Variants in GSTA2 observed in about 807,000 individuals in gnomAD.
GSTA2 encodes the protein glutathione S-transferase A2.
GSTA2 carries 27 observed loss-of-function variants against 22.4 expected under a neutral mutation model. That is an observed-to-expected ratio of 1.21 (90% CI 0.89 to 1.67). The LOEUF is 1.67. GSTA2 is among the 40% of genes most tolerant of loss of function. The probability of loss-of-function intolerance (pLI) is 0.00; values close to 1 mark genes in which losing one functional copy is unlikely to be tolerated. For synonymous variants in GSTA2, 121 were observed against 86.8 expected (o/e 1.39, Z -2.19); for missense variants, 302 against 260.2 (o/e 1.16, Z -1.11).
At chr6:52,754,731 G>T (rs903443866) in intron 4 of GSTA2, among the ~76,000 whole-genome samples, 26 of 152,094 alleles carry the variant, frequency 1.7e-4, no homozygotes, top group Non-Finnish European at 1.5e-5. Context: ...TCCATGGACT[G>T]CATCCTCTTC....
At position 52,757,359 on chromosome 6, in the gene GSTA2, C is replaced by A. The variant is rs560647703; in HGVS notation, c.87+502G>T. Among the ~76,000 whole-genome samples, 11 of 135,598 alleles carry A rather than the reference C, an allele frequency of 8.1e-5. No homozygotes were observed. In the East Asian group the frequency reaches 2.1e-3, roughly 26 times the overall value. 89.0% of individuals were successfully genotyped at this position (135,598 alleles called of 152,430 possible). A position where few individuals can be genotyped will look rare whatever the true frequency, so the allele number is the denominator to read the frequency against. On this transcript the variant is annotated intron_variant, in intron 2 of 6. Transcript: ENST00000493422. Reference sequence around the variant, plus strand: ...AGAATCAATAATTATCAATCAAAACCAATATGGTTTCATCTATATGCCCAC... The same window carrying A: ...AGAATCAATAATTATCAATCAAAACAAATATGGTTTCATCTATATGCCCAC...
At chr6:52,754,271 C>T (rs1459198664) in intron 4 of GSTA2, among the ~76,000 whole-genome samples, 1 of 152,036 alleles carries the variant, frequency 6.6e-6, no homozygotes, top group Non-Finnish European at 1.5e-5. Flanking sequence ...ATCGGTAATA[C>T]CATATTAAAG....
chr6:52,752,411 C>A (rs187492449), intron 5 of GSTA2, among the ~76,000 whole-genome samples: 1 of 152,106 alleles, frequency 6.6e-6, no homozygotes, highest in African/African-American at 2.4e-5. Flanking sequence ...AATACTGATC[C>A]CTGAAACACT....
In GSTA2 at chr6:52,752,991, C is replaced by T. The variant is rs757502057; in HGVS notation, c.277G>A (p.Asp93Asn). Residue 93 changes from aspartate (D) to asparagine (N), a missense_variant, in exon 5 of 7, where the codon GAT becomes AAT. Transcript: ENST00000493422. Reference sequence around the variant, plus strand: ...TCTGCTATACCTTCTATATACATATCAATCCTGAAAGACAAAAACAACCAA... The same window carrying T: ...TCTGCTATACCTTCTATATACATATTAATCCTGAAAGACAAAAACAACCAA... The part of the protein sequence containing the change: ...GKDIKEKALI[D>N]MYIEGIADLG... 6 of 1,594,780 alleles carry T rather than the reference C, an allele frequency of 3.8e-6. No homozygotes were observed. The highest frequency in any genetic ancestry group is 5.1e-6 in the Non-Finnish European group (6 of 1,171,906).
intron 1 of GSTA2, among the ~76,000 whole-genome samples, chr6:52,762,373 A>G (rs2127292048): frequency 6.6e-6 from 1 of 152,324 alleles, no homozygotes; most frequent in South Asian, 2.1e-4. Context: ...ACCCAATTGT[A>G]TGTTCCATCT....
rs1762715796 is a variant in GSTA2, at chr6:52,750,530, C to T, written c.*47G>A. The T allele has an allele frequency of 1.9e-6, 3 of 1,601,072 alleles. No individual in the cohort carries two copies. Among genetic ancestry groups the T allele is most frequent in the East Asian group, 2.2e-5 (1 of 44,764 alleles). ...GGTAAAGCACTTAATTGTTGCAAAA[C>T]TTTAGAATACTGGTCTTGCATGTTC... On this transcript the variant is annotated 3_prime_UTR_variant, in exon 7 of 7. Coordinates refer to ENST00000493422, the MANE Select transcript of GSTA2 (RefSeq NM_000846.5).
At chr6:52,756,448 A>G in intron 2 of GSTA2, 139 bp from the exon 3 acceptor site, 1 of 651,140 alleles carries the variant, frequency 1.5e-6, no homozygotes, top group Non-Finnish European at 2.7e-6. Context: ...GGGGCTAGTC[A>G]TGGCCATTTG....
At chr6:52,754,267 A>G (rs1391714044) in intron 4 of GSTA2, among the ~76,000 whole-genome samples, 1 of 152,206 alleles carries the variant, frequency 6.6e-6, no homozygotes, top group Non-Finnish European at 1.5e-5. Flanking sequence ...GGTCATCGGT[A>G]ATACCATATT....
intron 3 of GSTA2, among the ~76,000 whole-genome samples, 183 bp downstream of exon 3, chr6:52,756,075 A>T (rs2749003): frequency 4.6e-5 from 7 of 152,144 alleles, no homozygotes; most frequent in South Asian, 4.2e-4. Context: ...CTGGTCCTTT[A>T]AGCCTGGAGA....
intron 4 of GSTA2, 140 bp from the exon 5 acceptor site, chr6:52,753,135 T>C: frequency 1.4e-6 from 1 of 728,180 alleles, no homozygotes; most frequent in Admixed American, 2.9e-5. Flanking sequence ...CTAGTCATTA[T>C]GCTCTGAGTT....
chr6:52,762,949 C>T (rs1561898894), intron 1 of GSTA2, among the ~76,000 whole-genome samples: 2 of 152,192 alleles, frequency 1.3e-5, no homozygotes, highest in Admixed American at 6.6e-5. Context: ...GACTTGTCGT[C>T]GAGCTAATTA....
intron 5 of GSTA2, 127 bp from the exon 6 acceptor site, chr6:52,751,835 C>G: frequency 7.5e-7 from 1 of 1,339,082 alleles, no homozygotes; most frequent in Non-Finnish European, 1.1e-6. Context: ...GCAGAAATCC[C>G]GAGCTTTCTC....
In GSTA2 at chr6:52,751,690, G is replaced by C. The variant is rs768854211; in HGVS notation, c.433C>G (p.Gln145Glu). ...AFEKVLKSHGQDYLVGNKLSR... is the reference protein window; with the variant it reads ...AFEKVLKSHGEDYLVGNKLSR... ...AGCTTGTTGCCAACAAGGTAGTCTTGTCCGTGGCTCTTTAAGACCTGGAGA... is the reference window on the plus strand; with the variant it reads ...AGCTTGTTGCCAACAAGGTAGTCTTCTCCGTGGCTCTTTAAGACCTGGAGA... Residue 145 changes from glutamine to glutamate, a missense_variant, in exon 6 of 7, where the codon CAA becomes GAA. By Grantham distance (29) the Gln-to-Glu change is conservative (BLOSUM62 2). Coordinates refer to ENST00000493422, the MANE Select transcript of GSTA2 (RefSeq NM_000846.5). 6.2e-6 allele frequency: 10 copies of C among 1,614,042 alleles called. No homozygotes were observed. In the East Asian group the frequency reaches 1.8e-4, roughly 29 times the overall value.
intron 1 of GSTA2, among the ~76,000 whole-genome samples, chr6:52,760,547 T>C (rs751320542): frequency 1.3e-5 from 2 of 152,166 alleles, no homozygotes; most frequent in Non-Finnish European, 2.9e-5. Context: ...ATGGGTACAC[T>C]GAATTTCAGA....
intron 1 of GSTA2, among the ~76,000 whole-genome samples, chr6:52,760,210 C>A (rs1267879743): frequency 3.3e-5 from 5 of 152,160 alleles, no homozygotes; most frequent in African/African-American, 1.2e-4. Flanking sequence ...GTCATAATTC[C>A]AATCCCCAAA....
intron 5 of GSTA2, 77 bp downstream of exon 5, chr6:52,752,777 C>T (rs112698359): frequency 6.4e-7 from 1 of 1,565,524 alleles, no homozygotes; most frequent in South Asian, 1.1e-5. Context: ...AAGATCAGTG[C>T]CCCAGGAATG....
intron 1 of GSTA2, among the ~76,000 whole-genome samples, chr6:52,759,034 T>A (rs191647454): frequency 1.1e-3 from 163 of 152,338 alleles, no homozygotes; most frequent in Admixed American, 3.9e-3. Context: ...TCTATGTTAG[T>A]GTTTCTCAAA....
At chr6:52,752,719 T>C (rs765558231) in intron 5 of GSTA2, 135 bp downstream of exon 5, 6 of 1,059,062 alleles carry the variant, frequency 5.7e-6, no homozygotes, top group Non-Finnish European at 7.1e-6. Context: ...TAAAATGCCT[T>C]GAGAGTCAGA....
chr6:52,751,319 C>T (rs116108678), intron 6 of GSTA2, among the ~76,000 whole-genome samples: 4,129 of 152,282 alleles, frequency 0.027, 92 homozygotes, highest in Middle Eastern at 0.068. Flanking sequence ...GATGGGGAGA[C>T]ATGCTGGGCC....
Sources: gnomAD v4.1 joint callset for allele counts (sites outside exome capture counted in the v4.1 genomes callset) on GRCh38, gnomAD v4.1.1 for gene constraint, MANE v1.5 for transcripts, NCBI Gene and HGNC (gene_info 2026-07-23, HGNC 2026-07-21) for gene names.